PCDH15: variants seen among roughly 807,000 people sequenced by gnomAD.
PCDH15 encodes protocadherin related 15.
A neutral mutation model predicts 178.5 loss-of-function variants in PCDH15; 129 were observed. That is an observed-to-expected ratio of 0.72 (90% CI 0.63 to 0.84). PCDH15 has a LOEUF of 0.84. Among genes scored for constraint, PCDH15 ranks in the 40% least tolerant of loss-of-function variants. PCDH15 has a pLI of 0.00. For missense variants in PCDH15, 2,230 were observed against 2,099.9 expected (o/e 1.06, Z -1.21); for synonymous variants, 800 against 732.0 (o/e 1.09, Z -1.50).
chr10:55,259,902 C>CAAAAAAAAAAAAAAAAAAAAA (rs749939571), intron 1 of PCDH15, among the ~76,000 whole-genome samples: 3 of 52,008 alleles, frequency 5.8e-5, no homozygotes, highest in Non-Finnish European at 1.1e-4. Context: ...AACTCCGTCT[C>CAAAAAAAAAAAAAAAAAAAAA]AAAAAAAAAA....
In PCDH15 at chr10:53,961,867, T is replaced by C. The variant is rs777290002; in HGVS notation, c.2894A>G (p.Tyr965Cys). The C allele has an allele frequency of 6.2e-7, 1 of 1,610,084 alleles. No homozygotes were observed. The highest frequency in any genetic ancestry group is 1.1e-5 in the South Asian group (1 of 90,788). ...PPGLPASRVR[Y>C]RVDDVQFPYP... ...AGGAAACTGTACATCATCTACTCTA[T>C]ACCTCACACGACTTGCAGGTAATCC... Residue 965 changes from tyrosine to cysteine, a missense_variant, in exon 22 of 38, where the codon TAT becomes TGT. Physicochemically the swap from Tyr to Cys is radical, Grantham distance 194. Transcript: ENST00000644397.
chr10:54,716,551 GCTCT>G (rs2095481989), intron 1 of PCDH15, among the ~76,000 whole-genome samples: 1 of 151,988 alleles, frequency 6.6e-6, no homozygotes, highest in African/African-American at 2.4e-5. Context: ...TCATGATTTG[GCTCT>G]CTGTTTGTCT....
intron 1 of PCDH15, among the ~76,000 whole-genome samples, chr10:55,180,493 A>T (rs1839618700): frequency 6.6e-6 from 1 of 152,154 alleles, no homozygotes; most frequent in African/African-American, 2.4e-5. Flanking sequence ...TAATTCACTC[A>T]TCTATTCACT....
chr10:55,336,733 G>A (rs372072151), intron 2 of PCDH15, among the ~76,000 whole-genome samples: 6 of 151,806 alleles, frequency 4.0e-5, no homozygotes, highest in East Asian at 3.9e-4. Flanking sequence ...AGACCCTTTC[G>A]CTCTCCAAAC....
intron 2 of PCDH15, among the ~76,000 whole-genome samples, chr10:55,441,715 G>T (rs1839190614): frequency 6.6e-6 from 1 of 152,146 alleles, no homozygotes; most frequent in African/African-American, 2.4e-5. Context: ...GTGATAGAGT[G>T]AATGGTGGCT....
At chr10:55,617,868 C>A (rs1843510821) in intron 2 of PCDH15, among the ~76,000 whole-genome samples, 1 of 151,952 alleles carries the variant, frequency 6.6e-6, no homozygotes, top group Admixed American at 6.6e-5. Context: ...TCCATCTAAA[C>A]TTTTCAGTTA....
chr10:54,162,483 G>A (rs761216644), intron 13 of PCDH15, among the ~76,000 whole-genome samples: 9 of 152,078 alleles, frequency 5.9e-5, no homozygotes, highest in Non-Finnish European at 1.3e-4. Flanking sequence ...GTGAAATTGT[G>A]GAATATAGAA....
intron 2 of PCDH15, among the ~76,000 whole-genome samples, chr10:55,467,904 T>C (rs1461616739): frequency 7.3e-6 from 1 of 137,448 alleles, no homozygotes; most frequent in Admixed American, 8.2e-5. Flanking sequence ...GAGGTGGAGC[T>C]TACAGTAAGC....
chr10:55,425,930 GATTA>G (rs1195570032), intron 2 of PCDH15, among the ~76,000 whole-genome samples: 7 of 152,090 alleles, frequency 4.6e-5, no homozygotes, highest in East Asian at 1.9e-4. Flanking sequence ...CTAACTGAAA[GATTA>G]ATTATATGTG....
chr10:55,411,817 G>A (rs533458679), intron 2 of PCDH15, among the ~76,000 whole-genome samples: 1 of 152,110 alleles, frequency 6.6e-6, no homozygotes, highest in South Asian at 2.1e-4. Flanking sequence ...CATAATTTGT[G>A]TCTCCTTCAC....
rs1003468518 is a variant in PCDH15, at chr10:54,264,283, GC to G, written c.877-27353del. 7.7e-4 allele frequency among the ~76,000 whole-genome samples: 117 copies of G among 152,194 alleles called. 1 individual carries two copies. The highest frequency in any genetic ancestry group is 2.7e-3 in the African/African-American group (114 of 41,540). ...CTAATACAAACCCCATCTAAATGAA[GC>G]AAATTCAAAAACAAAGTATCAACTC... On this transcript the variant is annotated intron_variant, in intron 8 of 37. Transcript: ENST00000644397.
chr10:54,773,384 G>A (rs557456238), intron 1 of PCDH15, among the ~76,000 whole-genome samples: 115 of 152,190 alleles, frequency 7.6e-4, no homozygotes, highest in African/African-American at 2.7e-3. Context: ...ATCAGTTCAT[G>A]TGGGATTGTC....
intron 8 of PCDH15, among the ~76,000 whole-genome samples, chr10:54,265,691 G>A (rs746862670): frequency 1.2e-4 from 18 of 151,982 alleles, no homozygotes; most frequent in Non-Finnish European, 2.5e-4. Context: ...ATTGCTTAAT[G>A]ACAAAGGGCT....
At chr10:53,807,613 CTTTTGTATAATTTAATGCA>C (rs1451491338) in intron 37 of PCDH15, among the ~76,000 whole-genome samples, 12 of 152,024 alleles carry the variant, frequency 7.9e-5, no homozygotes, top group African/African-American at 2.4e-4. Flanking sequence ...TTAGCGAAAA[CTTTTGTATAATTTAATGCA>C]TTTTGTATAA....
intron 1 of PCDH15, among the ~76,000 whole-genome samples, chr10:54,785,603 C>T (rs1003088962): frequency 7.9e-5 from 12 of 151,996 alleles, no homozygotes; most frequent in African/African-American, 2.9e-4. Context: ...CTCAAAATTC[C>T]CTTGTACAAT....
chr10:54,909,670 G>T (rs1014445627), intron 2 of PCDH15, among the ~76,000 whole-genome samples: 1 of 152,052 alleles, frequency 6.6e-6, no homozygotes, highest in South Asian at 2.1e-4. Flanking sequence ...TGCCTAGGAG[G>T]GTGGGGCTCC....
Position 54,207,160 on chromosome 10 carries a change from C to G in PCDH15, c.1098+6776G>C, listed in dbSNP as rs138242652. ...TTTTGACAGCCACTATATTCAACTG[C>G]TACATTCTATTTCTGTTCTAACACT... is the stretch of plus-strand genomic sequence containing the variant. On this transcript the variant is annotated intron_variant, in intron 10 of 37. Transcript: ENST00000644397. Among the ~76,000 whole-genome samples the G allele has an allele frequency of 1.2e-3, 177 of 152,212 alleles. 1 individual carries two copies. The highest frequency in any genetic ancestry group is 4.1e-3 in the African/African-American group (171 of 41,542).
intron 2 of PCDH15, among the ~76,000 whole-genome samples, chr10:55,367,180 T>TA (rs371913555): frequency 2.6e-5 from 4 of 151,950 alleles, no homozygotes; most frequent in East Asian, 3.9e-4. Flanking sequence ...GTCTTACCTT[T>TA]AAAAAAATGC....
At chr10:54,145,761 G>C (rs892313223) in intron 14 of PCDH15, among the ~76,000 whole-genome samples, 6 of 152,088 alleles carry the variant, frequency 3.9e-5, no homozygotes, top group Admixed American at 3.3e-4. Context: ...AAGGTACAGA[G>C]GTGGGACTCA....
Sources: gnomAD v4.1 joint callset for allele counts (sites outside exome capture counted in the v4.1 genomes callset) on GRCh38, gnomAD v4.1.1 for gene constraint, MANE v1.5 for transcripts, NCBI Gene and HGNC (gene_info 2026-07-23, HGNC 2026-07-21) for gene names.